The following PIWIL2 variants were observed in gnomAD, a reference collection of about 807,000 sequenced individuals.
PIWIL2 encodes the protein piwi like RNA-mediated gene silencing 2.
In PIWIL2, 81 loss-of-function variants were observed where a neutral mutation model predicts 116.5. The observed-to-expected ratio is 0.70, with a 90% CI of 0.58 to 0.84. The LOEUF is 0.84. Ranked by LOEUF, PIWIL2 falls within the 40% of genes least tolerant of loss-of-function variation. PIWIL2 has a pLI of 0.00. For missense variants in PIWIL2, 1,272 were observed against 1,212.3 expected, an observed-to-expected ratio of 1.05 and a Z score of -0.73; for synonymous variants, 489 against 429.5, an observed-to-expected ratio of 1.14 and a Z score of -1.71.
intron 19 of PIWIL2, among the ~76,000 whole-genome samples, 193 bp from the exon 20 acceptor site, chr8:22,317,977 A>ATGTTC (rs1831504317): frequency 6.6e-6 from 1 of 152,140 alleles, no homozygotes; most frequent in Non-Finnish European, 1.5e-5. Context: ...ACACGTTTTT[A>ATGTTC]TGTTCTGCAT....
intron 6 of PIWIL2, among the ~76,000 whole-genome samples, chr8:22,286,622 T>C (rs1218493038): frequency 6.6e-6 from 1 of 152,014 alleles, no homozygotes; most frequent in Non-Finnish European, 1.5e-5. Flanking sequence ...CAAAAAATTT[T>C]ATTTATTTAT....
intron 10 of PIWIL2, among the ~76,000 whole-genome samples, chr8:22,302,781 ACT>A (rs1248159996): frequency 3.9e-5 from 6 of 152,028 alleles, no homozygotes; most frequent in Non-Finnish European, 7.4e-5. Context: ...TTGGCTTTTA[ACT>A]CTCAGCTGAG....
chr8:22,285,197 A>G (rs1322151336), intron 6 of PIWIL2, among the ~76,000 whole-genome samples: 1 of 152,184 alleles, frequency 6.6e-6, no homozygotes, highest in East Asian at 1.9e-4. Flanking sequence ...AACTTTGTAC[A>G]TTTTAACCAA....
rs1830722419 is a variant in PIWIL2, at chr8:22,289,984, T to C, written c.1067+57T>C. 5 of 1,138,522 alleles carry C rather than the reference T, an allele frequency of 4.4e-6. 1 individual carries two copies. The Admixed American group carries it at 7.0e-5, about 16-fold the overall frequency. The allele number at this position is 1,138,522 out of a possible 1,614,324, so 70.5% of individuals were successfully genotyped here. A position where few individuals can be genotyped will look rare whatever the true frequency, so the allele number is the denominator to read the frequency against. On this transcript the variant is annotated intron_variant, in intron 9 of 22. Coordinates refer to ENST00000356766, the MANE Select transcript of PIWIL2 (RefSeq NM_018068.5). ...AATGTTCTGGAAAGAAAGTTTCCAT[T>C]ACAACCATTGTATTTAGTACTATAA...
chr8:22,353,125 G>C lies in PIWIL2; in HGVS notation c.2570G>C (p.Ser857Thr). Reference sequence around the variant, plus strand: ...GTGTTTGTAGTTCAGAAGAAAATCAGTACTAATCTATATCTGGCTGCTCCT... The same window carrying C: ...GTGTTTGTAGTTCAGAAGAAAATCACTACTAATCTATATCTGGCTGCTCCT... ...MVVFVVQKKI[S>T]TNLYLAAPQN... The change falls in exon 21 of 23, where the codon AGT (serine) becomes ACT (threonine). Residue 857 changes from serine (S) to threonine (T), a missense_variant. Transcript: ENST00000356766. 1 of 1,613,930 alleles carries C rather than the reference G, an allele frequency of 6.2e-7. No homozygotes were observed. Among genetic ancestry groups the C allele is most frequent in the Non-Finnish European group, 8.5e-7 (1 of 1,179,814 alleles).
chr8:22,283,199 T>G lies in PIWIL2; in HGVS notation c.591T>G (p.Ser197=). ...PPALPQSPLH[S]PDRPLVLTVE... ...CTCTGCCCCAGTCTCCCCTGCACTCTCCAGATCGCCCTCTGGTCCTGACTG... is the reference window on the plus strand; with the variant it reads ...CTCTGCCCCAGTCTCCCCTGCACTCGCCAGATCGCCCTCTGGTCCTGACTG... The change falls in exon 5 of 23, where the codon TCT becomes TCG. Residue 197 remains serine, a synonymous_variant. Coordinates refer to ENST00000356766, the MANE Select transcript of PIWIL2 (RefSeq NM_018068.5). The G allele has an allele frequency of 6.2e-7, 1 of 1,614,012 alleles. No homozygotes were observed. The highest frequency in any genetic ancestry group is 8.5e-7 in the Non-Finnish European group (1 of 1,179,950).
intron 10 of PIWIL2, among the ~76,000 whole-genome samples, chr8:22,290,801 C>A (rs1225537088): frequency 1.3e-5 from 2 of 151,792 alleles, no homozygotes; most frequent in Non-Finnish European, 2.9e-5. Context: ...TATGTGCCCT[C>A]GTCTCTAGTC....
intron 20 of PIWIL2, among the ~76,000 whole-genome samples, chr8:22,346,929 A>C (rs1222364949): frequency 6.6e-6 from 1 of 152,186 alleles, no homozygotes; most frequent in East Asian, 1.9e-4. Context: ...TAATCCCAAC[A>C]CTGGGAGGAC....
chr8:22,281,307 A>C, intron 3 of PIWIL2, 70 bp from the exon 4 acceptor site: 1 of 1,235,380 alleles, frequency 8.1e-7, no homozygotes, highest in East Asian at 2.8e-5. Flanking sequence ...TGCTTTTTTT[A>C]AAAAAAAAAA....
chr8:22,279,283 G>T, intron 1 of PIWIL2, 58 bp from the exon 2 acceptor site: 1 of 882,412 alleles, frequency 1.1e-6, no homozygotes, highest in Non-Finnish European at 1.9e-6. Context: ...CTTTGTGAGT[G>T]TGTCTTGAAG....
chr8:22,303,871 A>G (rs551020856), intron 10 of PIWIL2, 150 bp from the exon 11 acceptor site: 5 of 458,260 alleles, frequency 1.1e-5, no homozygotes, highest in Non-Finnish European at 1.9e-5. Context: ...GAGCCACTGC[A>G]TCTGGCCAAG....
intron 20 of PIWIL2, among the ~76,000 whole-genome samples, chr8:22,319,441 A>G (rs141273766): frequency 3.9e-5 from 6 of 152,280 alleles, no homozygotes; most frequent in African/African-American, 1.4e-4. Context: ...CTATCTGTGA[A>G]GACTTTTCCC....
intron 20 of PIWIL2, among the ~76,000 whole-genome samples, chr8:22,340,045 A>ATTTTTTTTTTTTTTTTTTT (rs10626386): frequency 1.1e-5 from 1 of 93,772 alleles, no homozygotes. Context: ...TATAAAAAGA[A>ATTTTTTTTTTTTTTTTTTT]TTTTTTTTTT....
chr8:22,305,699 T>C (rs1238470669), intron 12 of PIWIL2, among the ~76,000 whole-genome samples: 1 of 152,104 alleles, frequency 6.6e-6, no homozygotes, highest in Non-Finnish European at 1.5e-5. Flanking sequence ...CTTTGACAGT[T>C]TTAGTATTTT....
At chr8:22,354,490 A>C in intron 22 of PIWIL2, 112 bp downstream of exon 22, 1 of 586,142 alleles carries the variant, frequency 1.7e-6, no homozygotes, top group East Asian at 2.9e-5. Flanking sequence ...TTTTCTTCAT[A>C]TCTTTGACAA....
chr8:22,318,053 AC>A (rs1484253852), intron 19 of PIWIL2, 116 bp from the exon 20 acceptor site: 19 of 612,154 alleles, frequency 3.1e-5, no homozygotes, highest in African/African-American at 2.8e-4. Flanking sequence ...TTTTCTAGGT[AC>A]TTGTTTTTGG....
Position 22,357,435 on chromosome 8 carries a change from C to T in PIWIL2, c.*1930C>T, listed in dbSNP as rs1448048180. Reference sequence around the variant, plus strand: ...TAATACTTTTTTTCTCTTAGATAATCAGAACAAATGGTTGAATACATTATA... The same window carrying T: ...TAATACTTTTTTTCTCTTAGATAATTAGAACAAATGGTTGAATACATTATA... On this transcript the variant is annotated 3_prime_UTR_variant, in exon 23 of 23. Coordinates refer to ENST00000356766, the MANE Select transcript of PIWIL2 (RefSeq NM_018068.5). The T allele has an allele frequency of 6.6e-6, 1 of 152,108 alleles. No individual in the cohort carries two copies. The highest frequency in any genetic ancestry group is 2.4e-5 in the African/African-American group (1 of 41,416). 9.4% of individuals were successfully genotyped at this position (152,108 alleles called of 1,614,324 possible). A position where few individuals can be genotyped will look rare whatever the true frequency, so the allele number is the denominator to read the frequency against.
In PIWIL2 at chr8:22,315,016, C is replaced by T. The variant is rs770611659; in HGVS notation, c.2092-13C>T. On this transcript the variant is annotated splice_polypyrimidine_tract_variant and intron_variant, in intron 17 of 22. Coordinates refer to ENST00000356766, the MANE Select transcript of PIWIL2 (RefSeq NM_018068.5). Reference sequence around the variant, plus strand: ...CCTGCTTCTCCTGACACCTTTTGGTCCCTTCATTATAGGTTGTCAATGTTC... The same window carrying T: ...CCTGCTTCTCCTGACACCTTTTGGTTCCTTCATTATAGGTTGTCAATGTTC... 71 of 1,517,928 alleles carry T rather than the reference C, an allele frequency of 4.7e-5. No individual in the cohort carries two copies. The Admixed American group carries it at 1.2e-3, about 25-fold the overall frequency. 94.0% of individuals were successfully genotyped at this position (1,517,928 alleles called of 1,614,324 possible).
At chr8:22,328,621 T>C (rs894241078) in intron 20 of PIWIL2, among the ~76,000 whole-genome samples, 5 of 152,138 alleles carry the variant, frequency 3.3e-5, no homozygotes, top group African/African-American at 1.2e-4. Context: ...CAGTGTTTTG[T>C]AGTTTCCATG....
Sources: allele counts gnomAD v4.1 joint callset (sites outside exome capture counted in the v4.1 genomes callset), GRCh38; gene constraint gnomAD v4.1.1; transcripts MANE v1.5; gene names NCBI Gene and HGNC (gene_info 2026-07-23, HGNC 2026-07-21).